CDC42BPA: variants seen among roughly 807,000 people sequenced by gnomAD.
CDC42BPA encodes the protein CDC42 binding protein kinase alpha.
In CDC42BPA, 80 loss-of-function variants were observed where a neutral mutation model predicts 223.5. The ratio of observed to expected loss-of-function variants is 0.36; its 90% CI spans 0.30 to 0.43. The LOEUF is 0.43. Among genes scored for constraint, CDC42BPA ranks in the 20% least tolerant of loss-of-function variants. CDC42BPA has a pLI of 1.00. For missense variants in CDC42BPA, 1,743 were observed against 2,099.9 expected, an observed-to-expected ratio of 0.83 and a Z score of 3.32; for synonymous variants, 694 against 718.6, an observed-to-expected ratio of 0.97 and a Z score of 0.55.
At chr1:227,257,592 A>G (rs1045275705) in intron 1 of CDC42BPA, among the ~76,000 whole-genome samples, 1 of 150,650 alleles carries the variant, frequency 6.6e-6, no homozygotes, top group South Asian at 2.1e-4. Flanking sequence ...TCTACCAAAA[A>G]TACAAAAATT....
At chr1:227,211,816 A>G (rs1673961088) in intron 3 of CDC42BPA, among the ~76,000 whole-genome samples, 1 of 152,244 alleles carries the variant, frequency 6.6e-6, no homozygotes, top group Non-Finnish European at 1.5e-5. Flanking sequence ...ATTGGGTCCA[A>G]TGTTCACTAT....
rs1231562861 is a variant in CDC42BPA, at chr1:227,264,943, T to C, written c.179-10788A>G. 7 of 1,098,268 alleles carry C rather than the reference T, an allele frequency of 6.4e-6. No homozygotes were observed. The East Asian group carries it at 1.6e-4, about 26-fold the overall frequency. 68.0% of individuals were successfully genotyped at this position (1,098,268 alleles called of 1,614,324 possible). ...TACCCCACTCGGTATATTCATGGAT[T>C]ATCTCTTCCTCTTCTTGTATAACCT... On this transcript the variant is annotated intron_variant, in intron 1 of 36. Transcript: ENST00000366766.
intron 1 of CDC42BPA, among the ~76,000 whole-genome samples, chr1:227,289,129 T>A (rs1689283980): frequency 6.6e-6 from 1 of 152,228 alleles, no homozygotes; most frequent in Non-Finnish European, 1.5e-5. Context: ...AGGTCCTAAC[T>A]GGCATGATTT....
At chr1:227,315,366 C>T (rs1694203034) in intron 1 of CDC42BPA, among the ~76,000 whole-genome samples, 1 of 151,872 alleles carries the variant, frequency 6.6e-6, no homozygotes, top group Non-Finnish European at 1.5e-5. Flanking sequence ...CTTACCTAAA[C>T]TCTAATAATC....
At chr1:227,039,574 C>T (rs1460818137) in intron 24 of CDC42BPA, among the ~76,000 whole-genome samples, 1 of 152,296 alleles carries the variant, frequency 6.6e-6, no homozygotes, top group East Asian at 1.9e-4. Flanking sequence ...CCCTGACCCT[C>T]TCTCCTTCAT....
rs1659966959 is a variant in CDC42BPA, at chr1:227,142,925, T to C, written c.1223+20A>G. The C allele has an allele frequency of 1.3e-6, 2 of 1,530,372 alleles. No homozygotes were observed. The highest frequency in any genetic ancestry group is 2.6e-5 in the East Asian group (1 of 38,810). 94.8% of individuals were successfully genotyped at this position (1,530,372 alleles called of 1,614,324 possible). The stretch of plus-strand genomic sequence containing the variant: ...GAGCCACTGCACTTGGCCCAAACTA[T>C]GTTAACTTTTCAAACTTACCAGCTA... On this transcript the variant is annotated intron_variant, in intron 9 of 36. Coordinates refer to ENST00000366766, the MANE Select transcript of CDC42BPA (RefSeq NM_001394014.1).
intron 16 of CDC42BPA, among the ~76,000 whole-genome samples, chr1:227,089,233 C>A (rs1682585374): frequency 6.6e-6 from 1 of 152,206 alleles, no homozygotes; most frequent in Non-Finnish European, 1.5e-5. Context: ...TCTCTTCAAG[C>A]TGGTTCCCAA....
chr1:227,040,648 A>G (rs576712328), intron 23 of CDC42BPA, among the ~76,000 whole-genome samples: 1 of 152,274 alleles, frequency 6.6e-6, no homozygotes, highest in African/African-American at 2.4e-5. Flanking sequence ...TAGGAAAAAG[A>G]GTTATTTAAA....
At chr1:227,016,219 T>C (rs779206425) in intron 33 of CDC42BPA, 22 bp from the exon 34 acceptor site, 1 of 1,262,362 alleles carries the variant, frequency 7.9e-7, no homozygotes, top group South Asian at 1.2e-5. Context: ...GGCATCTGTT[T>C]AGATACTTTT....
chr1:227,091,378 A>T (rs1438758319), intron 16 of CDC42BPA, among the ~76,000 whole-genome samples: 3 of 151,520 alleles, frequency 2.0e-5, no homozygotes, highest in African/African-American at 7.3e-5. Context: ...CCCCTTGGTG[A>T]TAAGTGAGTT....
At chr1:227,055,903 A>C (rs1401095203) in intron 21 of CDC42BPA, among the ~76,000 whole-genome samples, 1 of 152,142 alleles carries the variant, frequency 6.6e-6, no homozygotes, top group Non-Finnish European at 1.5e-5. Context: ...GTTAAAAAAA[A>C]AAAGAGGAAA....
At chr1:227,001,283 C>G (rs1007965739) in intron 35 of CDC42BPA, among the ~76,000 whole-genome samples, 3 of 152,190 alleles carry the variant, frequency 2.0e-5, no homozygotes, top group African/African-American at 7.2e-5. Flanking sequence ...CTCTAAACAC[C>G]AGATGCCCCT....
At chr1:227,132,489 A>G (rs60063848) in intron 10 of CDC42BPA, among the ~76,000 whole-genome samples, 3,289 of 101,954 alleles carry the variant, frequency 0.032, 244 homozygotes, top group African/African-American at 0.085. Context: ...TACAACATCT[A>G]CCTCCCAGCC....
intron 35 of CDC42BPA, among the ~76,000 whole-genome samples, chr1:226,995,354 T>C (rs1027721096): frequency 1.3e-5 from 2 of 152,206 alleles, no homozygotes; most frequent in Non-Finnish European, 2.9e-5. Flanking sequence ...ATCTCTTTCA[T>C]GGCATTTATG....
chr1:227,146,942 C>A (rs1660811819), intron 7 of CDC42BPA, among the ~76,000 whole-genome samples: 1 of 152,036 alleles, frequency 6.6e-6, no homozygotes, highest in African/African-American at 2.4e-5. Flanking sequence ...GTACAGAGTA[C>A]TATTTTTCTT....
At chr1:227,002,796 A>G (rs6699400) in intron 35 of CDC42BPA, among the ~76,000 whole-genome samples, 58,765 of 152,018 alleles carry the variant, frequency 0.39, 11,875 homozygotes, top group Non-Finnish European at 0.46. Context: ...TGGGTGAGCC[A>G]GGAAACTGAT....
chr1:227,087,856 G>A (rs1331034589), intron 16 of CDC42BPA, among the ~76,000 whole-genome samples: 1 of 152,102 alleles, frequency 6.6e-6, no homozygotes, highest in Non-Finnish European at 1.5e-5. Flanking sequence ...AGCTGTTTTT[G>A]AGAGTTGTAT....
At chr1:227,234,942 C>T (rs1678724238) in intron 2 of CDC42BPA, 2 of 150,200 alleles carry the variant, frequency 1.3e-5, no homozygotes, top group South Asian at 2.1e-4. Flanking sequence ...CATTAGCTAT[C>T]GTTAGTGTTA....
chr1:227,163,208 A>ATG (rs1396469146), intron 5 of CDC42BPA, among the ~76,000 whole-genome samples: 2 of 151,190 alleles, frequency 1.3e-5, no homozygotes, highest in Non-Finnish European at 2.9e-5. Context: ...AAACATATAT[A>ATG]TGTGTGTGTA....
Sources: allele counts gnomAD v4.1 joint callset (sites outside exome capture counted in the v4.1 genomes callset), GRCh38; gene constraint gnomAD v4.1.1; transcripts MANE v1.5; gene names NCBI Gene and HGNC (gene_info 2026-07-23, HGNC 2026-07-21).